The following ATP2B2 variants were observed in gnomAD, a reference collection of about 807,000 sequenced individuals.
ATP2B2 encodes the protein plasma membrane calcium-transporting ATPase 2.
A neutral mutation model predicts 120.0 loss-of-function variants in ATP2B2; 15 were observed. The observed-to-expected ratio is 0.12, with a 90% CI of 0.08 to 0.19. The LOEUF (loss-of-function observed/expected upper bound fraction) is 0.19. ATP2B2 is among the 10% of genes least tolerant of loss of function. ATP2B2 has a pLI of 1.00. For missense variants in ATP2B2, 1,045 were observed against 1,719.8 expected (o/e 0.61, Z 6.94); for synonymous variants, 694 against 700.3 (o/e 0.99, Z 0.14).
chr3:10,633,448 T>C lies in ATP2B2; in HGVS notation c.-459-13487A>G, dbSNP rs539484599. 7.2e-5 allele frequency among the ~76,000 whole-genome samples: 11 copies of C among 152,092 alleles called. 1 individual carries two copies. Among genetic ancestry groups the C allele is most frequent in the Non-Finnish European group, 1.2e-4 (8 of 67,932 alleles). On this transcript the variant is annotated intron_variant, in intron 1 of 21. Coordinates refer to the ATP2B2 transcript ENST00000646379. ...CTGGAGAACTGTTAATAATGTTTCATTTTTTTTAAGTTAACAAGTCTTCAT... is the reference window on the plus strand; with the variant it reads ...CTGGAGAACTGTTAATAATGTTTCACTTTTTTTAAGTTAACAAGTCTTCAT...
rs535454662 is a variant in ATP2B2, at chr3:10,531,172, C to T, written c.-320+2867G>A. 3.9e-5 allele frequency among the ~76,000 whole-genome samples: 6 copies of T among 152,294 alleles called. No individual in the cohort carries two copies. In the East Asian group the frequency reaches 1.2e-3, roughly 29 times the overall value. On this transcript the variant is annotated intron_variant, in intron 3 of 21. Coordinates refer to the ATP2B2 transcript ENST00000646379. ...TCTGGCTCCAGAGAGAACAGGTCAG[C>T]CCTCAGGGTTGAGGGTCTGCTGGCA...
intron 2 of ATP2B2, among the ~76,000 whole-genome samples, chr3:10,597,797 A>C (rs2068808450): frequency 6.6e-6 from 1 of 152,176 alleles, no homozygotes; most frequent in Non-Finnish European, 1.5e-5. Flanking sequence ...CATACATTTC[A>C]GCTGCTGCAG....
Position 10,487,233 on chromosome 3 carries a change from T to C in ATP2B2, c.-320+18232A>G, listed in dbSNP as rs1400176561. On this transcript the variant is annotated intron_variant, in intron 1 of 22. Coordinates refer to ENST00000360273, the MANE Select transcript of ATP2B2 (RefSeq NM_001001331.4). ...CTAGCACAGCCTCTCCCCACAAGCA[T>C]GTGTGTGCGCACACACACACAGACA... Among the ~76,000 whole-genome samples, 5 of 152,194 alleles carry C rather than the reference T, an allele frequency of 3.3e-5. No homozygotes were observed. In the East Asian group the frequency reaches 9.7e-4, roughly 29 times the overall value.
chr3:10,527,030 C>A (rs1008653024), intron 3 of ATP2B2, among the ~76,000 whole-genome samples: 1 of 152,178 alleles, frequency 6.6e-6, no homozygotes, highest in Non-Finnish European at 1.5e-5. Flanking sequence ...GGGTCGAGAG[C>A]GTGTGTAAGC....
chr3:10,535,599 T>TTATATAAATGGAGTCATGTGG (rs1301830757), intron 2 of ATP2B2, among the ~76,000 whole-genome samples: 1 of 152,204 alleles, frequency 6.6e-6, no homozygotes, highest in Non-Finnish European at 1.5e-5. Flanking sequence ...TTCAATGATG[T>TTATATAAATGGAGTCATGTGG]TATATAAATG....
chr3:10,575,270 A>G (rs1230547857), intron 2 of ATP2B2, among the ~76,000 whole-genome samples: 1 of 152,180 alleles, frequency 6.6e-6, no homozygotes, highest in Non-Finnish European at 1.5e-5. Context: ...AGGTGCAAGA[A>G]GGCTGAGCCT....
intron 3 of ATP2B2, among the ~76,000 whole-genome samples, chr3:10,528,432 G>T (rs2067144465): frequency 6.6e-6 from 1 of 152,156 alleles, no homozygotes; most frequent in Non-Finnish European, 1.5e-5. Context: ...TGGGCCCCAT[G>T]ACACTCCTTG....
intron 3 of ATP2B2, among the ~76,000 whole-genome samples, chr3:10,520,930 C>A (rs888154710): frequency 6.6e-6 from 1 of 152,166 alleles, no homozygotes; most frequent in Non-Finnish European, 1.5e-5. Flanking sequence ...CTCCAAGCCC[C>A]TTGCATGTGG....
chr3:10,570,912 A>G (rs558720699), intron 2 of ATP2B2, among the ~76,000 whole-genome samples: 6 of 152,326 alleles, frequency 3.9e-5, no homozygotes, highest in African/African-American at 1.4e-4. Context: ...CTACTCTCCA[A>G]TCCTTAATGA....
chr3:10,490,398 T>C (rs1158757447), intron 1 of ATP2B2, among the ~76,000 whole-genome samples: 1 of 97,448 alleles, frequency 1.0e-5, no homozygotes, highest in African/African-American at 6.1e-5. Context: ...GTCCACGGCA[T>C]TCTTTTTTTT....
intron 1 of ATP2B2, among the ~76,000 whole-genome samples, chr3:10,498,339 G>A (rs765599512): frequency 2.6e-5 from 4 of 152,270 alleles, no homozygotes; most frequent in South Asian, 2.1e-4. Flanking sequence ...TCAGGCCCAC[G>A]TAGGATGGCG....
chr3:10,627,658 G>A (rs376808605), intron 1 of ATP2B2, among the ~76,000 whole-genome samples: 15 of 152,244 alleles, frequency 9.9e-5, no homozygotes, highest in South Asian at 6.2e-4. Flanking sequence ...CCTTCCAGTC[G>A]GTGAACCGCA....
chr3:10,615,001 G>A (rs940463548), intron 2 of ATP2B2, among the ~76,000 whole-genome samples: 9 of 152,152 alleles, frequency 5.9e-5, no homozygotes, highest in Non-Finnish European at 8.8e-5. Flanking sequence ...TCTCATGCAC[G>A]GTCCTGGATT....
intron 3 of ATP2B2, among the ~76,000 whole-genome samples, chr3:10,515,569 C>T (rs1014161451): frequency 3.3e-5 from 5 of 152,178 alleles, no homozygotes; most frequent in Non-Finnish European, 7.3e-5. Flanking sequence ...ACCCACCCAT[C>T]AGCCTCTGCC....
At chr3:10,379,211 A>G in intron 9 of ATP2B2, 32 bp downstream of exon 9, 2 of 1,610,982 alleles carry the variant, frequency 1.2e-6, no homozygotes, top group Non-Finnish European at 1.7e-6. Flanking sequence ...GGCCTCAGGG[A>G]CGACAAACGC....
At chr3:10,610,350 T>C (rs2069199641) in intron 2 of ATP2B2, among the ~76,000 whole-genome samples, 1 of 151,886 alleles carries the variant, frequency 6.6e-6, no homozygotes, top group African/African-American at 2.4e-5. Flanking sequence ...ACAGATACTA[T>C]CCATCCCAGT....
At chr3:10,435,976 T>A (rs1200893544) in intron 2 of ATP2B2, among the ~76,000 whole-genome samples, 3 of 152,196 alleles carry the variant, frequency 2.0e-5, no homozygotes, top group Non-Finnish European at 1.5e-5. Context: ...GGGGATTTGG[T>A]CTCCCCAACT....
Position 10,379,293 on chromosome 3 carries a change from C to T in ATP2B2, c.1001-9G>A, listed in dbSNP as rs1242789875. 3 of 1,614,062 alleles carry T rather than the reference C, an allele frequency of 1.9e-6. No individual in the cohort carries two copies. Among genetic ancestry groups the T allele is most frequent in the Admixed American group, 1.7e-5 (1 of 60,020 alleles). On this transcript the variant is annotated splice_polypyrimidine_tract_variant and intron_variant, in intron 8 of 22. Coordinates refer to ENST00000360273, the MANE Select transcript of ATP2B2 (RefSeq NM_001001331.4). ...GCCATCCTGCATTTTACCTACACGACAAAGAATTTTAACAGACAACAGAGA... is the reference window on the plus strand; with the variant it reads ...GCCATCCTGCATTTTACCTACACGATAAAGAATTTTAACAGACAACAGAGA...
chr3:10,688,687 A>G (rs1189635912), intron 1 of ATP2B2, among the ~76,000 whole-genome samples: 1 of 152,170 alleles, frequency 6.6e-6, no homozygotes, highest in Non-Finnish European at 1.5e-5. Context: ...CAGGCCTCCT[A>G]TGGCCAGCGG....
Sources: allele counts gnomAD v4.1 joint callset (sites outside exome capture counted in the v4.1 genomes callset), GRCh38; gene constraint gnomAD v4.1.1; transcripts MANE v1.5; gene names NCBI Gene and HGNC (gene_info 2026-07-23, HGNC 2026-07-21).